APBB1IP: variants seen among roughly 807,000 people sequenced by gnomAD.
APBB1IP encodes amyloid beta precursor protein binding family B member 1 interacting protein.
In APBB1IP, 27 loss-of-function variants were observed where a neutral mutation model predicts 64.9. That is an observed-to-expected ratio of 0.42 (90% CI 0.31 to 0.57). The LOEUF (loss-of-function observed/expected upper bound fraction) is 0.57. APBB1IP is among the 20% of genes least tolerant of loss of function. The probability of loss-of-function intolerance (pLI) is 0.20; values close to 1 mark genes in which losing one functional copy is unlikely to be tolerated. For synonymous variants in APBB1IP, 392 were observed against 331.0 expected (o/e 1.18, Z -2.00); for missense variants, 812 against 845.5 (o/e 0.96, Z 0.49).
At chr10:26,566,090 CG>C (rs937296671) in intron 14 of APBB1IP, among the ~76,000 whole-genome samples, 6 of 152,124 alleles carry the variant, frequency 3.9e-5, no homozygotes, top group South Asian at 2.1e-4. Flanking sequence ...AAGTTACATT[CG>C]TTTTTTTTGC....
chr10:26,471,692 G>T (rs1023806506), intron 2 of APBB1IP, among the ~76,000 whole-genome samples: 2 of 150,174 alleles, frequency 1.3e-5, no homozygotes, highest in African/African-American at 2.4e-5. Context: ...AGCTTTTTTT[G>T]TTTTTTTTTG....
intron 9 of APBB1IP, among the ~76,000 whole-genome samples, chr10:26,534,008 T>C (rs762280254): frequency 6.6e-6 from 1 of 151,708 alleles, no homozygotes; most frequent in Non-Finnish European, 1.5e-5. Context: ...CCGAATTGTA[T>C]TGAATTATCA....
intron 9 of APBB1IP, among the ~76,000 whole-genome samples, chr10:26,535,346 T>C (rs992043606): frequency 1.3e-5 from 2 of 152,162 alleles, no homozygotes; most frequent in African/African-American, 4.8e-5. Context: ...ATAGTATGTA[T>C]ACATTTATAG....
chr10:26,546,821 A>G (rs963334469), intron 11 of APBB1IP, among the ~76,000 whole-genome samples: 1 of 152,276 alleles, frequency 6.6e-6, no homozygotes, highest in South Asian at 2.1e-4. Flanking sequence ...GGTTGATTCT[A>G]TATTTTAGCT....
intron 8 of APBB1IP, 26 bp downstream of exon 8, chr10:26,513,686 C>T (rs766804712): frequency 3.2e-6 from 5 of 1,579,258 alleles, no homozygotes; most frequent in African/African-American, 2.8e-5. Flanking sequence ...TATTGTTAAA[C>T]CCTATAAAGT....
intron 5 of APBB1IP, among the ~76,000 whole-genome samples, chr10:26,502,586 G>A (rs1010072253): frequency 2.0e-5 from 3 of 151,336 alleles, no homozygotes; most frequent in East Asian, 1.9e-4. Flanking sequence ...AGCTTGTAGT[G>A]AGCCAAGATC....
intron 8 of APBB1IP, among the ~76,000 whole-genome samples, chr10:26,525,391 G>A (rs1267538972): frequency 2.6e-5 from 4 of 152,152 alleles, no homozygotes; most frequent in African/African-American, 9.7e-5. Flanking sequence ...TAAAACTTTG[G>A]TTAGATGAAT....
intron 6 of APBB1IP, among the ~76,000 whole-genome samples, chr10:26,507,876 G>A (rs1023808666): frequency 3.3e-5 from 5 of 152,276 alleles, no homozygotes; most frequent in Middle Eastern, 3.4e-3. Context: ...CAGGAGGAGA[G>A]GGCAAGTATT....
At chr10:26,497,835 T>C (rs1258329858) in intron 4 of APBB1IP, among the ~76,000 whole-genome samples, 1 of 146,932 alleles carries the variant, frequency 6.8e-6, no homozygotes, top group Non-Finnish European at 1.5e-5. Context: ...CAAGCGATTC[T>C]CCTGCCTCAG....
Position 26,496,368 on chromosome 10 carries a change from G to C in APBB1IP, c.137G>C (p.Ser46Thr), listed in dbSNP as rs1177789790. 1 of 1,611,970 alleles carries C rather than the reference G, an allele frequency of 6.2e-7. No individual in the cohort carries two copies. The highest frequency in any genetic ancestry group is 8.5e-7 in the Non-Finnish European group (1 of 1,178,540). The change falls in exon 4 of 15, where the codon AGT (serine) becomes ACT (threonine). Residue 46 changes from serine (S) to threonine (T), a missense_variant. Coordinates refer to ENST00000376236, the MANE Select transcript of APBB1IP (RefSeq NM_019043.4). Reference sequence around the variant, plus strand: ...CCACCCAGAGCTGAATTTAACTACAGTGTGGGGTTTAAAGATTTAAATGGT... The same window carrying C: ...CCACCCAGAGCTGAATTTAACTACACTGTGGGGTTTAAAGATTTAAATGGT... ...PNPPRAEFNY[S>T]VGFKDLNESL...
chr10:26,556,346 A>G (rs974889470), intron 11 of APBB1IP, among the ~76,000 whole-genome samples: 7 of 152,236 alleles, frequency 4.6e-5, no homozygotes, highest in African/African-American at 1.7e-4. Flanking sequence ...CGATTTCTGC[A>G]TCACCAAGGG....
At chr10:26,557,382 G>A (rs780953462) in intron 11 of APBB1IP, among the ~76,000 whole-genome samples, 4 of 152,214 alleles carry the variant, frequency 2.6e-5, no homozygotes, top group Non-Finnish European at 5.9e-5. Flanking sequence ...GGAATTGACC[G>A]TTCTTCGAGC....
intron 2 of APBB1IP, among the ~76,000 whole-genome samples, chr10:26,488,219 T>C (rs1189442574): frequency 1.3e-5 from 2 of 151,268 alleles, no homozygotes; most frequent in African/African-American, 4.9e-5. Context: ...TCTACTTAAA[T>C]ACTTTCTGCC....
chr10:26,440,432 T>A (rs1189183681), intron 2 of APBB1IP, among the ~76,000 whole-genome samples: 1 of 152,256 alleles, frequency 6.6e-6, no homozygotes, highest in Admixed American at 6.5e-5. Flanking sequence ...CAGATTACAT[T>A]CTGAAATATC....
At chr10:26,500,313 G>A (rs923594541) in intron 4 of APBB1IP, among the ~76,000 whole-genome samples, 2 of 151,912 alleles carry the variant, frequency 1.3e-5, no homozygotes, top group African/African-American at 2.4e-5. Context: ...TAGAAGCTCC[G>A]TCTTCACCCC....
At chr10:26,513,438 C>G (rs1317359876) in intron 7 of APBB1IP, 101 bp from the exon 8 acceptor site, 1 of 1,318,634 alleles carries the variant, frequency 7.6e-7, no homozygotes, top group African/African-American at 1.5e-5. Flanking sequence ...ATCCCAGGCA[C>G]CTGATGAAAG....
At chr10:26,501,697 T>C (rs546772290) in intron 5 of APBB1IP, 1 of 153,334 alleles carries the variant, frequency 6.5e-6, no homozygotes, top group South Asian at 2.1e-4. Context: ...TTTGGGATGT[T>C]AACTCATAGT....
intron 11 of APBB1IP, among the ~76,000 whole-genome samples, chr10:26,551,355 C>A (rs1032745581): frequency 6.6e-6 from 1 of 152,114 alleles, no homozygotes; most frequent in African/African-American, 2.4e-5. Flanking sequence ...TGTGTGGGTA[C>A]CGCAGTGGCT....
chr10:26,554,625 C>T (rs1212844591), intron 11 of APBB1IP, among the ~76,000 whole-genome samples: 1 of 152,158 alleles, frequency 6.6e-6, no homozygotes. Flanking sequence ...CTCTGTTGCT[C>T]AGGCTGAGTG....
Sources: allele counts gnomAD v4.1 joint callset (sites outside exome capture counted in the v4.1 genomes callset), GRCh38; gene constraint gnomAD v4.1.1; transcripts MANE v1.5; gene names NCBI Gene and HGNC (gene_info 2026-07-23, HGNC 2026-07-21).